FGGY: variants seen among roughly 807,000 people sequenced by gnomAD.
FGGY encodes FGGY carbohydrate kinase domain-containing protein.
FGGY carries 72 observed loss-of-function variants against 71.3 expected under a neutral mutation model. The observed-to-expected ratio is 1.01, with a 90% CI of 0.84 to 1.23. FGGY has a LOEUF of 1.23. Among genes scored for constraint, FGGY ranks in the 50% most tolerant of loss-of-function variants. The pLI, the probability that FGGY is intolerant of heterozygous loss-of-function variation, is 0.00. For synonymous variants in FGGY, 251 were observed against 250.3 expected (o/e 1.00, Z -0.02); for missense variants, 668 against 682.3 (o/e 0.98, Z 0.23).
chr1:59,405,730 T>A (rs939457587), intron 5 of FGGY, among the ~76,000 whole-genome samples: 4 of 152,138 alleles, frequency 2.6e-5, no homozygotes. Context: ...TACCCCCCAG[T>A]CGACCTTAGT....
At position 59,577,615 on chromosome 1, in the gene FGGY, G is replaced by A. The variant is rs568967638; in HGVS notation, c.903+23388G>A. Among the ~76,000 whole-genome samples, 113 of 152,232 alleles carry A rather than the reference G, an allele frequency of 7.4e-4. 1 individual carries two copies. The highest frequency in any genetic ancestry group is 6.8e-4 in the Non-Finnish European group (46 of 68,016). On this transcript the variant is annotated intron_variant, in intron 8 of 15. Transcript: ENST00000303721. ...AAAGTAAGTATTTGGATTTATTGGTGAATAAGGGAGAGAGGTTGGTTATCA... is the reference window on the plus strand; with the variant it reads ...AAAGTAAGTATTTGGATTTATTGGTAAATAAGGGAGAGAGGTTGGTTATCA...
chr1:59,325,351 C>T (rs374792535), intron 2 of FGGY, among the ~76,000 whole-genome samples: 2 of 143,918 alleles, frequency 1.4e-5, no homozygotes, highest in East Asian at 2.0e-4. Context: ...AGTGGGACTC[C>T]GTGTCCAACA....
intron 14 of FGGY, among the ~76,000 whole-genome samples, chr1:59,728,554 T>C (rs1558925874): frequency 1.3e-5 from 2 of 152,060 alleles, no homozygotes; most frequent in Admixed American, 1.3e-4. Flanking sequence ...TGAATAACTT[T>C]TTTTCAACAT....
At chr1:59,309,458 A>G (rs2043923013) in intron 1 of FGGY, among the ~76,000 whole-genome samples, 2 of 152,162 alleles carry the variant, frequency 1.3e-5, no homozygotes, top group South Asian at 4.1e-4. Context: ...GGAGAGAGGC[A>G]GGGAGCTAAG....
intron 1 of FGGY, among the ~76,000 whole-genome samples, chr1:59,320,317 C>T (rs2046171445): frequency 6.6e-6 from 1 of 152,186 alleles, no homozygotes; most frequent in African/African-American, 2.4e-5. Flanking sequence ...GGTTGATTTT[C>T]TTTCAGAATC....
intron 11 of FGGY, among the ~76,000 whole-genome samples, chr1:59,648,620 G>A (rs1431319987): frequency 1.4e-5 from 2 of 145,814 alleles, no homozygotes; most frequent in Non-Finnish European, 3.0e-5. Context: ...TGTAAATTTG[G>A]TTGAGTTCAT....
chr1:59,303,939 A>G (rs2153082058), intron 1 of FGGY, among the ~76,000 whole-genome samples: 1 of 152,152 alleles, frequency 6.6e-6, no homozygotes, highest in South Asian at 2.1e-4. Flanking sequence ...ATTAAAAAAA[A>G]TTAAGTTACT....
intron 5 of FGGY, among the ~76,000 whole-genome samples, chr1:59,409,700 A>C (rs957080052): frequency 7.2e-5 from 11 of 151,826 alleles, no homozygotes; most frequent in African/African-American, 2.7e-4. Context: ...AGACCAGATT[A>C]ATCAGTTAGT....
intron 5 of FGGY, among the ~76,000 whole-genome samples, chr1:59,436,352 C>T (rs1183970193): frequency 3.3e-5 from 5 of 152,108 alleles, no homozygotes; most frequent in African/African-American, 1.2e-4. Context: ...CCTCCCCCCG[C>T]AAACTTCTTC....
Position 59,512,307 on chromosome 1 carries a change from C to T in FGGY, c.671-4C>T. On this transcript the variant is annotated splice_polypyrimidine_tract_variant and splice_region_variant and intron_variant, in intron 6 of 15. Coordinates refer to ENST00000303721, the MANE Select transcript of FGGY (RefSeq NM_018291.5). ...GGTGTTTGTTTTTTCTCATGTCTAC[C>T]CAGGAAACCAAGTGCTACCTCCTGG... The T allele has an allele frequency of 6.2e-7, 1 of 1,603,384 alleles. No homozygotes were observed. Among genetic ancestry groups the T allele is most frequent in the Admixed American group, 1.7e-5 (1 of 58,684 alleles).
intron 5 of FGGY, among the ~76,000 whole-genome samples, chr1:59,430,530 T>A (rs181692766): frequency 6.6e-5 from 10 of 152,272 alleles, no homozygotes; most frequent in African/African-American, 2.2e-4. Flanking sequence ...TTAGGAGCAG[T>A]CTGTGGTCTA....
intron 6 of FGGY, among the ~76,000 whole-genome samples, chr1:59,471,832 A>G (rs575605742): frequency 6.6e-6 from 1 of 152,360 alleles, no homozygotes; most frequent in African/African-American, 2.4e-5. Flanking sequence ...CAGTAACTCT[A>G]CAGATGTCCA....
chr1:59,355,218 TG>T (rs1214385212), intron 4 of FGGY, among the ~76,000 whole-genome samples: 1 of 151,680 alleles, frequency 6.6e-6, no homozygotes, highest in African/African-American at 2.4e-5. Context: ...AACTTCATAC[TG>T]TTTTTTTTTT....
intron 6 of FGGY, among the ~76,000 whole-genome samples, chr1:59,485,038 C>G (rs567504125): frequency 6.6e-6 from 1 of 152,246 alleles, no homozygotes; most frequent in South Asian, 2.1e-4. Flanking sequence ...GTAGAGGAGG[C>G]AGGATTATAG....
chr1:59,369,119 AC>A (rs2057097921), intron 4 of FGGY, among the ~76,000 whole-genome samples: 1 of 152,188 alleles, frequency 6.6e-6, no homozygotes, highest in Admixed American at 6.5e-5. Flanking sequence ...GCATTGCCTC[AC>A]TCGGAAAGCG....
At chr1:59,627,236 G>A (rs1266433083) in intron 10 of FGGY, among the ~76,000 whole-genome samples, 2 of 151,672 alleles carry the variant, frequency 1.3e-5, no homozygotes, top group African/African-American at 4.8e-5. Context: ...TATGCCATAT[G>A]GCTAAAGAGA....
chr1:59,425,179 A>C (rs963610384), intron 5 of FGGY, among the ~76,000 whole-genome samples: 4 of 152,240 alleles, frequency 2.6e-5, no homozygotes, highest in Admixed American at 2.6e-4. Context: ...ATAAATGGTA[A>C]GTAAAAGCTG....
chr1:59,740,452 A>C (rs994853096), intron 14 of FGGY, among the ~76,000 whole-genome samples: 3 of 152,244 alleles, frequency 2.0e-5, no homozygotes, highest in African/African-American at 4.8e-5. Flanking sequence ...GGGCTAGCTC[A>C]GCCCTGCTCG....
chr1:59,332,648 T>A (rs1489815085), intron 2 of FGGY, among the ~76,000 whole-genome samples: 1 of 152,224 alleles, frequency 6.6e-6, no homozygotes, highest in African/African-American at 2.4e-5. Context: ...GTTTGAAAGA[T>A]AGAGACGCTG....
Sources: allele counts gnomAD v4.1 joint callset (sites outside exome capture counted in the v4.1 genomes callset), GRCh38; gene constraint gnomAD v4.1.1; transcripts MANE v1.5; gene names NCBI Gene and HGNC (gene_info 2026-07-23, HGNC 2026-07-21).